The following PLEC variants were observed in gnomAD, a reference collection of about 807,000 sequenced individuals.
The protein encoded by PLEC is hemidesmosomal protein 1.
PLEC carries 216 observed loss-of-function variants against 392.8 expected under a neutral mutation model. That is an observed-to-expected ratio of 0.55 (90% CI 0.49 to 0.62). The LOEUF is 0.62. PLEC is among the 20% of genes least tolerant of loss of function. The probability of loss-of-function intolerance (pLI) is 0.00; values close to 1 mark genes in which losing one functional copy is unlikely to be tolerated. For missense variants in PLEC, 6,863 were observed against 6,563.4 expected (o/e 1.05, Z -1.58); for synonymous variants, 3,621 against 2,980.6 (o/e 1.21, Z -7.00).
Position 143,944,634 on chromosome 8 carries a change from G to A in PLEC, c.523+5550C>T, listed in dbSNP as rs782173565. 24 of 1,340,222 alleles carry A rather than the reference G, an allele frequency of 1.8e-5. No homozygotes were observed. In the Admixed American group the frequency reaches 3.9e-4, roughly 22 times the overall value. The allele number at this position is 1,340,222 out of a possible 1,614,324, so 83.0% of individuals were successfully genotyped here. On this transcript the variant is annotated intron_variant, in intron 1 of 31. Transcript: ENST00000322810. ...GCCAGGATTTCACAAGGCTTTCAAGGGCTGCCCACCTACCGGGCACGATCT... is the reference window on the plus strand; with the variant it reads ...GCCAGGATTTCACAAGGCTTTCAAGAGCTGCCCACCTACCGGGCACGATCT...
Position 143,933,284 on chromosome 8 carries a change from T to G in PLEC, c.1331A>C (p.Lys444Thr), listed in dbSNP as rs376827924. 9.3e-6 allele frequency: 15 copies of G among 1,613,170 alleles called. No individual in the cohort carries two copies. Among genetic ancestry groups the G allele is most frequent in the Non-Finnish European group, 1.2e-5 (14 of 1,179,956 alleles). Residue 444 changes from lysine to threonine, a missense_variant, in exon 13 of 32, where the codon AAG becomes ACG. By Grantham distance (78) the Lys-to-Thr change is moderately conservative (BLOSUM62 -1). Coordinates refer to ENST00000345136, the MANE Select transcript of PLEC (RefSeq NM_201384.3). Reference sequence around the variant, plus strand: ...GAGCAGCCGGATCATGCTATCCGCCTTGTCCAAGTCCCGTTCCACCTCCCC... The same window carrying G: ...GAGCAGCCGGATCATGCTATCCGCCGTGTCCAAGTCCCGTTCCACCTCCCC... ...RAGEVERDLD[K>T]ADSMIRLLFN...
intron 31 of PLEC, 51 bp downstream of exon 31, chr8:143,922,453 C>T: frequency 1.2e-6 from 2 of 1,601,182 alleles, no homozygotes; most frequent in South Asian, 1.1e-5. Context: ...CATCACCCAC[C>T]AAAGCAGATC....
rs929468699 is a variant in PLEC, at chr8:143,920,773, C to G, written c.9048G>C (p.Val3016=). 9 of 1,606,806 alleles carry G rather than the reference C, an allele frequency of 5.6e-6. No homozygotes were observed. The highest frequency in any genetic ancestry group is 7.6e-6 in the Non-Finnish European group (9 of 1,179,914). Reference sequence around the variant, plus strand: ...CGTTGGCACCCCGGAGAGCCCGCCGCACAGTGTCCACCTCGGCTACGTCTC... The same window carrying G: ...CGTTGGCACCCCGGAGAGCCCGCCGGACAGTGTCCACCTCGGCTACGTCTC... The part of the protein sequence containing the change: ...SVRDVAEVDT[V]RRALRGANVI... Residue 3016 remains valine, a synonymous_variant, in exon 32 of 32, where the codon GTG becomes GTC. Coordinates refer to ENST00000345136, the MANE Select transcript of PLEC (RefSeq NM_201384.3).
chr8:143,974,535 CCCAGGGCTCAGCA>C (rs1282116422), upstream of PLEC, among the ~76,000 whole-genome samples: 4 of 152,246 alleles, frequency 2.6e-5, no homozygotes, highest in Non-Finnish European at 4.4e-5. The surrounding 1 kb of genome is among the most constrained non-coding windows in gnomAD (Gnocchi z 5.9). Context: ...GCAACATCCC[CCCAGGGCTCAGCA>C]CCTGGCCTTG....
intron 5 of PLEC, 119 bp from the exon 6 acceptor site, chr8:143,936,133 C>G: frequency 8.8e-7 from 1 of 1,142,332 alleles, no homozygotes; most frequent in South Asian, 1.3e-5. Flanking sequence ...CATGGGGCCA[C>G]CAAACCAGCC....
rs936688720 is a variant in PLEC, at chr8:143,919,200, G to T, written c.10621C>A (p.Leu3541Met). Residue 3541 changes from leucine to methionine, a missense_variant, in exon 32 of 32, where the codon CTG becomes ATG. Coordinates refer to ENST00000345136, the MANE Select transcript of PLEC (RefSeq NM_201384.3). ...GCCTTCTCCGCCCCTTTCAGTGGCA[G>T]AAGGCGCAAGCCCGTCTCGGGGTCC... ...VEDPETGLRL[L>M]PLKGAEKAEV... 32 of 1,613,728 alleles carry T rather than the reference G, an allele frequency of 2.0e-5. No homozygotes were observed. The highest frequency in any genetic ancestry group is 2.7e-5 in the Non-Finnish European group (32 of 1,180,040).
chr8:143,925,292 T>C lies in PLEC; in HGVS notation c.4637A>G (p.Glu1546Gly), dbSNP rs782202988. The C allele has an allele frequency of 2.5e-6, 4 of 1,576,012 alleles. No individual in the cohort carries two copies. The South Asian group carries it at 3.4e-5, about 13-fold the overall frequency. The change falls in exon 31 of 32, where the codon GAG (glutamate) becomes GGG (glycine). Residue 1546 changes from glutamate (E) to glycine (G), a missense_variant. Physicochemically the swap from Glu to Gly is moderately conservative, Grantham distance 98. Transcript: ENST00000345136. ...CTGCCGCAGGCGCCGCTCCGCCTCC[T>C]CCGCCTGCAGCCGCAGCTCCTCCAG... ...QALEELRLQA[E>G]EAERRLRQAE...
At position 143,934,335 on chromosome 8, in the gene PLEC, G is replaced by A; in HGVS notation, c.1152C>T (p.Leu384=). 6.2e-7 allele frequency: 1 copy of A among 1,612,402 alleles called. No individual in the cohort carries two copies. Among genetic ancestry groups the A allele is most frequent in the Non-Finnish European group, 8.5e-7 (1 of 1,179,928 alleles). Residue 384 remains leucine, a synonymous_variant, in exon 11 of 32, where the codon CTC becomes CTT. Transcript: ENST00000345136. ...CCACCCACCTCTCAAACTCGCTGCG[G>A]AGCTGCTTCTCCCGCTCCAGGATGG... ...HVAILEREKQ[L]RSEFERLECL... is the part of the protein sequence containing the mutation.
At position 143,916,968 on chromosome 8, in the gene PLEC, C is replaced by A; in HGVS notation, c.12853G>T (p.Asp4285Tyr). The A allele has an allele frequency of 6.2e-7, 1 of 1,612,866 alleles. No homozygotes were observed. The highest frequency in any genetic ancestry group is 1.1e-5 in the South Asian group (1 of 91,088). The change falls in exon 32 of 32, where the codon GAC becomes TAC. Residue 4285 changes from aspartate to tyrosine, a missense_variant. Physicochemically the swap from Asp to Tyr is radical, Grantham distance 160. Coordinates refer to ENST00000345136, the MANE Select transcript of PLEC (RefSeq NM_201384.3). ...GACACCTTCTCCAGCGTCTCCGTGT[C>A]CAGGATGCCAGCCACGGGGCCCGTC... Reference protein sequence around the residue: ...EETGPVAGILDTETLEKVSIT... With the variant: ...EETGPVAGILYTETLEKVSIT...
In PLEC at chr8:143,926,779, T is replaced by C. The variant is rs781959065; in HGVS notation, c.4044+5A>G. On this transcript the variant is annotated splice_donor_5th_base_variant and intron_variant, in intron 30 of 31. Transcript: ENST00000345136. ...TCTGCCCAGCCTCCGCCCAACGGGCTGTACCTCCTCCTCCTCCATGCGCCG... is the reference window on the plus strand; with the variant it reads ...TCTGCCCAGCCTCCGCCCAACGGGCCGTACCTCCTCCTCCTCCATGCGCCG... 6.2e-7 allele frequency: 1 copy of C among 1,611,196 alleles called. No individual in the cohort carries two copies. The highest frequency in any genetic ancestry group is 8.5e-7 in the Non-Finnish European group (1 of 1,177,654).
chr8:143,937,537 T>C lies in PLEC; in HGVS notation c.265-295A>G, dbSNP rs1241181507. ...GAGGGCAGTGGCACTAAAGGGGGGGTCCTCCTGCCTGGCGGTGGCAGCCAC... is the reference window on the plus strand; with the variant it reads ...GAGGGCAGTGGCACTAAAGGGGGGGCCCTCCTGCCTGGCGGTGGCAGCCAC... On this transcript the variant is annotated intron_variant, in intron 3 of 31. Transcript: ENST00000345136. 9.6e-6 allele frequency: 5 copies of C among 520,134 alleles called. No homozygotes were observed. In the Admixed American group the frequency reaches 1.2e-4, roughly 13 times the overall value. 32.2% of individuals were successfully genotyped at this position (520,134 alleles called of 1,614,324 possible). A position where few individuals can be genotyped will look rare whatever the true frequency, so the allele number is the denominator to read the frequency against.
In PLEC at chr8:143,922,081, C is replaced by G; in HGVS notation, c.7740G>C (p.Arg2580=). 4.4e-6 allele frequency: 7 copies of G among 1,575,750 alleles called. No individual in the cohort carries two copies. The highest frequency in any genetic ancestry group is 6.0e-6 in the Non-Finnish European group (7 of 1,168,618). The change falls in exon 32 of 32, where the codon CGG becomes CGC. Residue 2580 remains arginine, a synonymous_variant. Transcript: ENST00000345136. ...CAGCCAGCAGCTCCTCCTGCTGCCG[C>G]CGCTGCTGCTCCAGCTGCTGCAGCT... The part of the protein sequence containing the change: ...QEELQQLEQQ[R]RQQEELLAEE...
rs1554668909 is a variant in PLEC, at chr8:143,916,376, C to A, written c.13445G>T (p.Gly4482Val). The A allele has an allele frequency of 1.2e-6, 2 of 1,610,392 alleles. No individual in the cohort carries two copies. The highest frequency in any genetic ancestry group is 8.5e-7 in the Non-Finnish European group (1 of 1,179,048). ...GCGGGAGCCAGCGGTAGAGCCGGAGCCGCTGACGCTGTAGGGGCTGTAGTA... is the reference window on the plus strand; with the variant it reads ...GCGGGAGCCAGCGGTAGAGCCGGAGACGCTGACGCTGTAGGGGCTGTAGTA... ...KGYYSPYSVSGSGSTAGSRTG... is the reference protein window; with the variant it reads ...KGYYSPYSVSVSGSTAGSRTG... The change falls in exon 32 of 32, where the codon GGC (glycine) becomes GTC (valine). Residue 4482 changes from glycine to valine, a missense_variant. By Grantham distance (109) the Gly-to-Val change is moderately radical. Transcript: ENST00000345136.
chr8:143,916,808 T>C lies in PLEC; in HGVS notation c.13013A>G (p.Lys4338Arg). 1 of 1,613,136 alleles carries C rather than the reference T, an allele frequency of 6.2e-7. No individual in the cohort carries two copies. Among genetic ancestry groups the C allele is most frequent in the Non-Finnish European group, 8.5e-7 (1 of 1,179,936 alleles). ...CACCATGATCTTGTCCACCAGGCCC[T>C]TGTTGACGGCGTCGGTGACAGGGAA... Reference protein sequence around the residue: ...ERFPVTDAVNKGLVDKIMVDR... With the variant: ...ERFPVTDAVNRGLVDKIMVDR... Residue 4338 changes from lysine to arginine, a missense_variant, in exon 32 of 32, where the codon AAG (lysine) becomes AGG (arginine). Coordinates refer to ENST00000345136, the MANE Select transcript of PLEC (RefSeq NM_201384.3).
At chr8:143,940,312 C>T (rs1280978319), upstream of PLEC, among the ~76,000 whole-genome samples, 2 of 152,188 alleles carry the variant, frequency 1.3e-5, no homozygotes, top group African/African-American at 2.4e-5. Context: ...TCACGGAGGC[C>T]GGGCCTCATG....
intron 18 of PLEC, 67 bp downstream of exon 18, chr8:143,931,870 G>C: frequency 6.8e-7 from 1 of 1,469,798 alleles, no homozygotes; most frequent in Non-Finnish European, 9.3e-7. Flanking sequence ...TGGAGCTGCC[G>C]AGGGGGTCCA....
upstream of PLEC, among the ~76,000 whole-genome samples, chr8:143,954,355 G>T (rs958352545): frequency 4.6e-5 from 7 of 152,114 alleles, no homozygotes; most frequent in East Asian, 9.7e-4. The surrounding 1 kb of genome is among the most constrained non-coding windows in gnomAD (Gnocchi z 4.6). Context: ...TCGCCTCTGC[G>T]CAGCCCTGGG....
In PLEC at chr8:143,933,291, A is replaced by C. The variant is rs781873552; in HGVS notation, c.1324T>G (p.Leu442Val). ...PQRAGEVERD[L>V]DKADSMIRLL... The stretch of plus-strand genomic sequence containing the variant: ...CGGATCATGCTATCCGCCTTGTCCA[A>C]GTCCCGTTCCACCTCCCCCGCCCGC... Residue 442 changes from leucine to valine, a missense_variant, in exon 13 of 32, where the codon TTG becomes GTG. Coordinates refer to ENST00000345136, the MANE Select transcript of PLEC (RefSeq NM_201384.3). 5.0e-6 allele frequency: 8 copies of C among 1,612,966 alleles called. No individual in the cohort carries two copies. The highest frequency in any genetic ancestry group is 5.9e-6 in the Non-Finnish European group (7 of 1,179,964).
At chr8:143,929,320 C>T (rs782684874) in intron 24 of PLEC, 39 bp from the exon 25 acceptor site, 31 of 1,593,944 alleles carry the variant, frequency 1.9e-5, no homozygotes, top group African/African-American at 1.9e-4. Flanking sequence ...CATCACCGAG[C>T]GCAGCACACA....
Sources: gnomAD v4.1 joint callset for allele counts (sites outside exome capture counted in the v4.1 genomes callset) on GRCh38, gnomAD v4.1.1 for gene constraint, Gnocchi (gnomAD v3.1) non-coding constraint, MANE v1.5 for transcripts, NCBI Gene and HGNC (gene_info 2026-07-23, HGNC 2026-07-21) for gene names.